Variants in TACR3 observed in about 807,000 individuals in gnomAD.
TACR3 encodes tachykinin receptor 3.
In TACR3, 34 loss-of-function variants were observed where a neutral mutation model predicts 35.0. That is an observed-to-expected ratio of 0.97 (90% confidence interval 0.74 to 1.30). The LOEUF is 1.30. TACR3 is among the 50% of genes most tolerant of loss of function. TACR3 has a pLI of 0.00. For synonymous variants in TACR3, 233 were observed against 221.1 expected (o/e 1.05, Z -0.48); for missense variants, 558 against 591.7 (o/e 0.94, Z 0.59).
At position 103,687,480 on chromosome 4, in the gene TACR3, T is replaced by G. The variant is rs569757975; in HGVS notation, c.549-29077A>C. On this transcript the variant is annotated intron_variant, in intron 1 of 4. Transcript: ENST00000304883. ...TTGTCCCTGTTTGCAGATGACATGA[T>G]TGTATATCTAGAAAACCCCATTGTC... 2.7e-4 allele frequency among the ~76,000 whole-genome samples: 41 copies of G among 152,236 alleles called. No homozygotes were observed. In the East Asian group the frequency reaches 5.4e-3, roughly 20 times the overall value.
intron 3 of TACR3, among the ~76,000 whole-genome samples, chr4:103,623,768 T>C (rs1396358412): frequency 6.6e-6 from 1 of 152,184 alleles, no homozygotes; most frequent in Non-Finnish European, 1.5e-5. Context: ...CAGAGGTCTC[T>C]ATGCATAGTC....
chr4:103,646,572 CA>C (rs1384724550), intron 3 of TACR3, among the ~76,000 whole-genome samples: 1 of 151,866 alleles, frequency 6.6e-6, no homozygotes, highest in Non-Finnish European at 1.5e-5. Flanking sequence ...TTATGTTGTA[CA>C]AGGCCAGTGT....
chr4:103,608,266 T>C (rs564770254), intron 3 of TACR3, among the ~76,000 whole-genome samples: 11 of 152,214 alleles, frequency 7.2e-5, no homozygotes, highest in African/African-American at 2.2e-4. Flanking sequence ...GCAACATGGA[T>C]GCAGCTGGAG....
chr4:103,663,648 A>G (rs1274096635), intron 1 of TACR3, among the ~76,000 whole-genome samples: 1 of 152,202 alleles, frequency 6.6e-6, no homozygotes, highest in African/African-American at 2.4e-5. Flanking sequence ...GTAAAGAAAT[A>G]CCAAAATACT....
intron 3 of TACR3, among the ~76,000 whole-genome samples, chr4:103,636,954 C>G (rs969789618): frequency 6.6e-6 from 1 of 152,008 alleles, no homozygotes; most frequent in Non-Finnish European, 1.5e-5. Context: ...CAATAGCTTA[C>G]CAACCAAAAA....
At chr4:103,599,454 C>T (rs1724133445) in intron 3 of TACR3, among the ~76,000 whole-genome samples, 1 of 152,176 alleles carries the variant, frequency 6.6e-6, no homozygotes, top group Non-Finnish European at 1.5e-5. Flanking sequence ...ATTCCCTTCT[C>T]CTGTCTGATT....
At chr4:103,714,069 T>C (rs1723032221) in intron 1 of TACR3, among the ~76,000 whole-genome samples, 1 of 152,188 alleles carries the variant, frequency 6.6e-6, no homozygotes, top group Non-Finnish European at 1.5e-5. Flanking sequence ...AAGCAAATGA[T>C]ACTTTCATGC....
chr4:103,719,366 G>A lies in TACR3; in HGVS notation c.310C>T (p.Leu104Phe). The A allele has an allele frequency of 6.2e-7, 1 of 1,614,226 alleles. No homozygotes were observed. The highest frequency in any genetic ancestry group is 8.5e-7 in the Non-Finnish European group (1 of 1,180,038). ...GCCAGGATGATCCAGATGACGATGA[G>A]ATTTCCCAAAACTGCCACTGCCACC... Reference protein sequence around the residue: ...VVVAVAVLGNLIVIWIILAHK... With the variant: ...VVVAVAVLGNFIVIWIILAHK... The change falls in exon 1 of 5, where the codon CTC (leucine) becomes TTC (phenylalanine). Residue 104 changes from leucine (L) to phenylalanine (F), a missense_variant. Transcript: ENST00000304883.
intron 1 of TACR3, among the ~76,000 whole-genome samples, chr4:103,700,612 C>A (rs550746305): frequency 2.6e-5 from 4 of 152,272 alleles, no homozygotes; most frequent in African/African-American, 9.6e-5. Context: ...CTGCTTACAA[C>A]ATATTATGAT....
rs977116613 is a variant in TACR3, at chr4:103,605,856, T to A, written c.889-14173A>T. ...AGATCCCATTTGTCAATTTTGTCTT[T>A]GGTTGCCATGGCTTTTGGTGTTTTA... On this transcript the variant is annotated intron_variant, in intron 3 of 4. Transcript: ENST00000304883. Among the ~76,000 whole-genome samples the A allele has an allele frequency of 3.3e-5, 5 of 152,240 alleles. No homozygotes were observed. In the South Asian group the frequency reaches 1.0e-3, roughly 31 times the overall value.
Position 103,719,164 on chromosome 4 carries a change from G to A in TACR3, c.512C>T (p.Ala171Val), listed in dbSNP as rs759196574. Reference protein sequence around the residue: ...QNFFPITAVFASIYSMTAIAV... With the variant: ...QNFFPITAVFVSIYSMTAIAV... ...AATGGCCGTCATGGAGTAGATGCTG[G>A]CGAACACAGCTGTGATAGGAAAGAA... Residue 171 changes from alanine (A) to valine (V), a missense_variant, in exon 1 of 5, where the codon GCC (alanine) becomes GTC (valine). Ala to Val is a moderately conservative substitution (Grantham distance 64, BLOSUM62 0). Coordinates refer to ENST00000304883, the MANE Select transcript of TACR3 (RefSeq NM_001059.3). The A allele has an allele frequency of 2.5e-6, 4 of 1,614,154 alleles. No individual in the cohort carries two copies. The highest frequency in any genetic ancestry group is 2.2e-5 in the South Asian group (2 of 91,072).
At chr4:103,627,863 C>T (rs1724942423) in intron 3 of TACR3, among the ~76,000 whole-genome samples, 1 of 152,168 alleles carries the variant, frequency 6.6e-6, no homozygotes, top group Non-Finnish European at 1.5e-5. Context: ...AACCACATCA[C>T]ACTTATTCTA....
chr4:103,590,693 C>T (rs1293439933), intron 4 of TACR3, among the ~76,000 whole-genome samples: 1 of 152,026 alleles, frequency 6.6e-6, no homozygotes, highest in Non-Finnish European at 1.5e-5. Flanking sequence ...CATGCAGTTA[C>T]TTACATAAAG....
chr4:103,591,235 G>T, intron 4 of TACR3: 1 of 489,218 alleles, frequency 2.0e-6, no homozygotes, highest in Non-Finnish European at 3.6e-6. Flanking sequence ...GGAGGAAGAA[G>T]TTGGCCCATA....
intron 1 of TACR3, among the ~76,000 whole-genome samples, chr4:103,714,659 T>A (rs926289771): frequency 2.0e-5 from 3 of 152,120 alleles, no homozygotes; most frequent in Non-Finnish European, 4.4e-5. Flanking sequence ...ATAACACTAA[T>A]AAAGAGTATT....
intron 3 of TACR3, among the ~76,000 whole-genome samples, chr4:103,617,600 A>G (rs1029810433): frequency 3.3e-5 from 5 of 152,166 alleles, no homozygotes; most frequent in African/African-American, 1.2e-4. Context: ...TTAGCAACTC[A>G]TAAACATAAG....
intron 1 of TACR3, among the ~76,000 whole-genome samples, chr4:103,683,273 T>C (rs565206785): frequency 2.0e-4 from 30 of 151,732 alleles, no homozygotes; most frequent in African/African-American, 7.2e-4. Context: ...CTCAAATAAG[T>C]AATCTAAGTT....
At chr4:103,629,878 A>AAAC (rs1553969647) in intron 3 of TACR3, among the ~76,000 whole-genome samples, 10 of 141,704 alleles carry the variant, frequency 7.1e-5, no homozygotes, top group South Asian at 2.2e-4. Flanking sequence ...AAAACAAAAA[A>AAAC]AACAACAACA....
At chr4:103,695,947 C>T (rs1019491615) in intron 1 of TACR3, among the ~76,000 whole-genome samples, 1 of 152,048 alleles carries the variant, frequency 6.6e-6, no homozygotes, top group African/African-American at 2.4e-5. Context: ...ATTTAGCCAT[C>T]CACACTCCTT....
Sources: allele counts gnomAD v4.1 joint callset (sites outside exome capture counted in the v4.1 genomes callset), GRCh38; gene constraint gnomAD v4.1.1; transcripts MANE v1.5; gene names NCBI Gene and HGNC (gene_info 2026-07-23, HGNC 2026-07-21).